The following TMEM117 variants were observed in gnomAD, a reference collection of about 807,000 sequenced individuals.
TMEM117 encodes transmembrane protein 117.
In TMEM117, 27 loss-of-function variants were observed where a neutral mutation model predicts 52.4. The ratio of observed to expected loss-of-function variants is 0.51; its 90% CI spans 0.38 to 0.71. The LOEUF (loss-of-function observed/expected upper bound fraction) is 0.71. Ranked by LOEUF, TMEM117 falls within the 30% of genes least tolerant of loss-of-function variation. The pLI is 0.00. For missense variants in TMEM117, 556 were observed against 630.5 expected, an observed-to-expected ratio of 0.88 and a Z score of 1.26; for synonymous variants, 215 against 206.3, an observed-to-expected ratio of 1.04 and a Z score of -0.36.
chr12:43,848,946 T>G (rs905150854), intron 2 of TMEM117, among the ~76,000 whole-genome samples: 1 of 151,304 alleles, frequency 6.6e-6, no homozygotes, highest in Non-Finnish European at 1.5e-5. Flanking sequence ...GAGATGGGAG[T>G]AAGAAAGGGG....
At chr12:44,354,815 T>TA (rs558871756) in intron 6 of TMEM117, among the ~76,000 whole-genome samples, 17 of 149,604 alleles carry the variant, frequency 1.1e-4, no homozygotes, top group African/African-American at 2.0e-4. Flanking sequence ...TTTTAAAAAT[T>TA]AAAAAAAAAA....
At chr12:44,328,544 G>A (rs949709516) in intron 6 of TMEM117, among the ~76,000 whole-genome samples, 1 of 152,098 alleles carries the variant, frequency 6.6e-6, no homozygotes, top group Non-Finnish European at 1.5e-5. Context: ...TCACGGATCA[G>A]CCACAGCAGC....
chr12:44,122,797 C>G (rs1047037144), intron 3 of TMEM117, among the ~76,000 whole-genome samples: 1 of 152,196 alleles, frequency 6.6e-6, no homozygotes, highest in Admixed American at 6.5e-5. Flanking sequence ...ACCATACTTT[C>G]TTTATCCAGC....
intron 4 of TMEM117, among the ~76,000 whole-genome samples, chr12:44,152,120 T>A (rs1222315936): frequency 8.9e-6 from 1 of 112,748 alleles, no homozygotes; most frequent in East Asian, 2.7e-4. Context: ...AATATAAATG[T>A]ATATTATATA....
chr12:44,241,657 T>A (rs1950063849), intron 5 of TMEM117, among the ~76,000 whole-genome samples: 1 of 151,934 alleles, frequency 6.6e-6, no homozygotes, highest in Admixed American at 6.6e-5. Context: ...TGTTGAGGCC[T>A]CTGATCCATC....
chr12:44,086,864 T>G (rs1266952990), intron 3 of TMEM117, among the ~76,000 whole-genome samples: 2 of 151,636 alleles, frequency 1.3e-5, no homozygotes, highest in African/African-American at 4.8e-5. Flanking sequence ...TGGTCTTGTT[T>G]CCATCGGACA....
intron 2 of TMEM117, among the ~76,000 whole-genome samples, chr12:43,942,904 C>G (rs1332619335): frequency 2.0e-5 from 3 of 151,814 alleles, no homozygotes; most frequent in Non-Finnish European, 4.4e-5. Context: ...TTAGGATGGG[C>G]GTGGTGGCTC....
intron 2 of TMEM117, among the ~76,000 whole-genome samples, chr12:43,856,823 T>C (rs79392152): frequency 0.022 from 3,392 of 151,948 alleles, 79 homozygotes; most frequent in East Asian, 0.067. Context: ...GAAAAAAAAA[T>C]AAAAAAGCAG....
At chr12:43,878,528 A>T (rs911132265) in intron 2 of TMEM117, among the ~76,000 whole-genome samples, 3 of 152,220 alleles carry the variant, frequency 2.0e-5, no homozygotes, top group Non-Finnish European at 4.4e-5. Context: ...AAGAGGAAGG[A>T]ACAATTTTTG....
chr12:43,936,957 G>A (rs1260874842), intron 2 of TMEM117, among the ~76,000 whole-genome samples: 1 of 152,022 alleles, frequency 6.6e-6, no homozygotes, highest in Non-Finnish European at 1.5e-5. Context: ...CCTCAGAGGT[G>A]GAGAAAAAAG....
chr12:44,095,133 G>A (rs761251048), intron 3 of TMEM117, among the ~76,000 whole-genome samples: 2 of 152,000 alleles, frequency 1.3e-5, no homozygotes, highest in Non-Finnish European at 2.9e-5. Flanking sequence ...GCACTGTAAG[G>A]GAAAGGACAC....
intron 4 of TMEM117, among the ~76,000 whole-genome samples, chr12:44,160,294 C>T (rs572600955): frequency 4.6e-5 from 7 of 151,666 alleles, no homozygotes; most frequent in East Asian, 2.0e-4. Context: ...TATATATATA[C>T]ACACACACAT....
chr12:44,234,840 T>C (rs969309070), intron 5 of TMEM117, among the ~76,000 whole-genome samples: 2 of 151,542 alleles, frequency 1.3e-5, no homozygotes, highest in Admixed American at 6.6e-5. Context: ...TTGAAATTTG[T>C]CAAGACATAC....
At chr12:43,919,325 C>T (rs531645587) in intron 2 of TMEM117, among the ~76,000 whole-genome samples, 38 of 152,240 alleles carry the variant, frequency 2.5e-4, no homozygotes, top group African/African-American at 8.2e-4. Flanking sequence ...AGACAACCAC[C>T]CTTGTACTCT....
At chr12:43,981,340 A>T (rs1411590617) in intron 3 of TMEM117, among the ~76,000 whole-genome samples, 1 of 152,208 alleles carries the variant, frequency 6.6e-6, no homozygotes, top group Non-Finnish European at 1.5e-5. Flanking sequence ...ATCTTCAAAT[A>T]CTTGAAGAGC....
At chr12:44,152,912 ATTCTT>A (rs1948774443) in intron 4 of TMEM117, among the ~76,000 whole-genome samples, 1 of 148,512 alleles carries the variant, frequency 6.7e-6, no homozygotes, top group Admixed American at 6.9e-5. Context: ...CGTTAATTAT[ATTCTT>A]AAGTATATAT....
chr12:44,168,728 A>G (rs1949004184), intron 4 of TMEM117, among the ~76,000 whole-genome samples: 1 of 152,218 alleles, frequency 6.6e-6, no homozygotes, highest in Non-Finnish European at 1.5e-5. Flanking sequence ...AAAATTTACC[A>G]TTTTAAACAT....
At position 44,341,640 on chromosome 12, in the gene TMEM117, G is replaced by T. The variant is rs374303754; in HGVS notation, c.769-34955G>T. ...GTCATCTTGGCCTGTGACTGTGTTT[G>T]GGTCTCTAAATCAACTAGAACATGT... On this transcript the variant is annotated intron_variant, in intron 6 of 7. Coordinates refer to ENST00000266534, the MANE Select transcript of TMEM117 (RefSeq NM_032256.3). 2.0e-4 allele frequency among the ~76,000 whole-genome samples: 31 copies of T among 152,106 alleles called. No homozygotes were observed. In the South Asian group the frequency reaches 6.0e-3, roughly 30 times the overall value.
At chr12:44,207,426 T>A (rs1639093983) in intron 4 of TMEM117, among the ~76,000 whole-genome samples, 1 of 152,212 alleles carries the variant, frequency 6.6e-6, no homozygotes, top group Non-Finnish European at 1.5e-5. Context: ...TGTCAATTAA[T>A]ACTCAGTTTT....
Sources: allele counts gnomAD v4.1 joint callset (sites outside exome capture counted in the v4.1 genomes callset), GRCh38; gene constraint gnomAD v4.1.1; transcripts MANE v1.5; gene names NCBI Gene and HGNC (gene_info 2026-07-23, HGNC 2026-07-21).